Variants in NTSR1 observed in about 807,000 individuals in gnomAD.
The protein encoded by NTSR1 is neurotensin receptor type 1.
A neutral mutation model predicts 31.2 loss-of-function variants in NTSR1; 29 were observed. That is an observed-to-expected ratio of 0.93 (90% CI 0.69 to 1.27). NTSR1 has a LOEUF of 1.27. Among genes scored for constraint, NTSR1 ranks in the 50% most tolerant of loss-of-function variants. NTSR1 has a pLI of 0.00. For synonymous variants in NTSR1, 282 were observed against 269.9 expected, an observed-to-expected ratio of 1.04 and a Z score of -0.44; for missense variants, 697 against 595.4, an observed-to-expected ratio of 1.17 and a Z score of -1.78.
chr20:62,753,993 C>G (rs1323820242), intron 1 of NTSR1, among the ~76,000 whole-genome samples: 3 of 152,222 alleles, frequency 2.0e-5, no homozygotes, highest in Admixed American at 6.5e-5. Flanking sequence ...GCACAGCCCC[C>G]CTTGCGCTGG....
intron 1 of NTSR1, among the ~76,000 whole-genome samples, chr20:62,720,222 C>A (rs565779905): frequency 6.6e-6 from 1 of 152,174 alleles, no homozygotes; most frequent in Non-Finnish European, 1.5e-5. Context: ...ATCGCTTTAA[C>A]TCGGGAGGTG....
In NTSR1 at chr20:62,709,324, G is replaced by A. The variant is rs61730136; in HGVS notation, c.117G>A (p.Ser39=). Residue 39 remains serine (S), a synonymous_variant, in exon 1 of 4, where the codon TCG becomes TCA. Coordinates refer to ENST00000370501, the MANE Select transcript of NTSR1 (RefSeq NM_002531.3). ...TGGCCCCGGGCTTCGGCAACGCTTC[G>A]GGCAACGCGTCGGAGCGCGTCCTGG... ...ALLAPGFGNA[S]GNASERVLAA... is the part of the protein sequence containing the mutation. 2,434 of 1,607,806 alleles carry A rather than the reference G, an allele frequency of 1.5e-3. 36 individuals carry two copies. In the African/African-American group the frequency reaches 0.028, roughly 19 times the overall value.
chr20:62,709,557 T>C lies in NTSR1; in HGVS notation c.350T>C (p.Leu117Pro), dbSNP rs1201720174. The C allele has an allele frequency of 1.2e-6, 2 of 1,612,016 alleles. No homozygotes were observed. The highest frequency in any genetic ancestry group is 1.7e-6 in the Non-Finnish European group (2 of 1,179,860). ...SLALSDLLTL[L>P]LAMPVELYNF... ...GCGCTGTCCGACCTGCTCACCCTGC[T>C]GCTGGCCATGCCCGTGGAGCTGTAC... Residue 117 changes from leucine to proline, a missense_variant, in exon 1 of 4, where the codon CTG (leucine) becomes CCG (proline). By Grantham distance (98) the Leu-to-Pro change is moderately conservative. Transcript: ENST00000370501.
intron 1 of NTSR1, among the ~76,000 whole-genome samples, chr20:62,721,806 C>T (rs138949611): frequency 7.2e-5 from 11 of 152,288 alleles, no homozygotes; most frequent in Middle Eastern, 3.4e-3. Flanking sequence ...CCAGGAAGCC[C>T]GAGTATTCCA....
chr20:62,760,514 G>T lies in NTSR1; in HGVS notation c.*247G>T, dbSNP rs375627840. Reference sequence around the variant, plus strand: ...TCTTTGAAAGCCAGAACAAGAGAGCGCTCCTCTCCCAGATAGGAAAAGGGC... The same window carrying T: ...TCTTTGAAAGCCAGAACAAGAGAGCTCTCCTCTCCCAGATAGGAAAAGGGC... On this transcript the variant is annotated 3_prime_UTR_variant, in exon 4 of 4. Transcript: ENST00000370501. 1 of 465,034 alleles carries T rather than the reference G, an allele frequency of 2.2e-6. No homozygotes were observed. The highest frequency in any genetic ancestry group is 3.2e-5 in the East Asian group (1 of 31,430). The allele number at this position is 465,034 out of a possible 1,614,324, so 28.8% of individuals were successfully genotyped here.
chr20:62,716,644 G>A (rs1988730466), intron 1 of NTSR1, among the ~76,000 whole-genome samples: 1 of 152,242 alleles, frequency 6.6e-6, no homozygotes, highest in South Asian at 2.1e-4. Flanking sequence ...GAGTGACCGA[G>A]CTGCCGTCCG....
At chr20:62,752,334 C>T (rs982246986) in intron 1 of NTSR1, among the ~76,000 whole-genome samples, 37 of 152,202 alleles carry the variant, frequency 2.4e-4, no homozygotes, top group African/African-American at 8.7e-4. Flanking sequence ...GAAAGGACGG[C>T]GCAAGCCAAA....
At chr20:62,716,158 T>C (rs1278213342) in intron 1 of NTSR1, among the ~76,000 whole-genome samples, 2 of 152,082 alleles carry the variant, frequency 1.3e-5, no homozygotes, top group East Asian at 1.9e-4. Context: ...CAGAACCTTC[T>C]CTCTCCCCAG....
At chr20:62,757,832 C>T (rs985711290) in intron 2 of NTSR1, among the ~76,000 whole-genome samples, 5 of 151,614 alleles carry the variant, frequency 3.3e-5, no homozygotes, top group African/African-American at 9.7e-5. Context: ...AGCCTGTGTC[C>T]TGTCTCTGAG....
In NTSR1 at chr20:62,709,279, C is replaced by G. The variant is rs1043351430; in HGVS notation, c.72C>G (p.Ala24=). 4 of 1,577,422 alleles carry G rather than the reference C, an allele frequency of 2.5e-6. No homozygotes were observed. In the East Asian group the frequency reaches 9.4e-5, roughly 37 times the overall value. ...CCGACCCCTTCCAGCGGGCGCAGGC[C>G]GGACTGGAGGAGGCGCTGCTGGCCC... ...PAADPFQRAQ[A]GLEEALLAPG... is the part of the protein sequence containing the mutation. Residue 24 remains alanine (A), a synonymous_variant, in exon 1 of 4, where the codon GCC becomes GCG. Transcript: ENST00000370501.
At chr20:62,721,344 C>G (rs1014478458) in intron 1 of NTSR1, among the ~76,000 whole-genome samples, 1 of 152,176 alleles carries the variant, frequency 6.6e-6, no homozygotes, top group Non-Finnish European at 1.5e-5. Flanking sequence ...TATATTGATT[C>G]TCTTTTCCTT....
chr20:62,759,144 G>A (rs1989565274), intron 3 of NTSR1, among the ~76,000 whole-genome samples: 1 of 152,230 alleles, frequency 6.6e-6, no homozygotes, highest in African/African-American at 2.4e-5. Context: ...GTTCCTTCCA[G>A]TGACAACCAC....
Position 62,760,061 on chromosome 20 carries a change from G to A in NTSR1, c.1051G>A (p.Ala351Thr), listed in dbSNP as rs1239045223. 40 of 1,613,880 alleles carry A rather than the reference G, an allele frequency of 2.5e-5. No homozygotes were observed. Among genetic ancestry groups the A allele is most frequent in the Admixed American group, 6.7e-5 (4 of 59,996 alleles). The part of the protein sequence containing the change: ...FYHYFYMVTN[A>T]LFYVSSTINP... ...CCACTACTTCTACATGGTGACCAAC[G>A]CACTCTTCTACGTCAGCTCCACCAT... The change falls in exon 4 of 4, where the codon GCA (alanine) becomes ACA (threonine). Residue 351 changes from alanine (A) to threonine (T), a missense_variant. Transcript: ENST00000370501.
chr20:62,734,729 T>TAG (rs35163181), intron 1 of NTSR1, among the ~76,000 whole-genome samples: 16,083 of 152,278 alleles, frequency 0.11, 2,064 homozygotes, highest in East Asian at 0.31. Context: ...CACCGGGTTT[T>TAG]AGAGTTAATG....
At position 62,709,201 on chromosome 20, in the gene NTSR1, G is replaced by C; in HGVS notation, c.-7G>C. On this transcript the variant is annotated 5_prime_UTR_variant, in exon 1 of 4. Transcript: ENST00000370501. Reference sequence around the variant, plus strand: ...GCCGGACAGAGCCGCGGACTCCAGCGCCCACCATGCGCCTCAACAGCTCCG... The same window carrying C: ...GCCGGACAGAGCCGCGGACTCCAGCCCCCACCATGCGCCTCAACAGCTCCG... 1.4e-6 allele frequency: 2 copies of C among 1,425,926 alleles called. No individual in the cohort carries two copies. Among genetic ancestry groups the C allele is most frequent in the South Asian group, 3.0e-5 (2 of 66,508 alleles). The allele number at this position is 1,425,926 out of a possible 1,614,324, so 88.3% of individuals were successfully genotyped here.
At position 62,723,218 on chromosome 20, in the gene NTSR1, A is replaced by G. The variant is rs112245400; in HGVS notation, c.714+13297A>G. Reference sequence around the variant, plus strand: ...AAACTCACACTTCCAGGCTCTCAGCATTCAGAGAGTACGGGAGCTGTTTGG... The same window carrying G: ...AAACTCACACTTCCAGGCTCTCAGCGTTCAGAGAGTACGGGAGCTGTTTGG... On this transcript the variant is annotated intron_variant, in intron 1 of 3. Coordinates refer to ENST00000370501, the MANE Select transcript of NTSR1 (RefSeq NM_002531.3). Among the ~76,000 whole-genome samples, 430 of 152,340 alleles carry G rather than the reference A, an allele frequency of 2.8e-3. 5 individuals carry two copies. The highest frequency in any genetic ancestry group is 9.7e-3 in the African/African-American group (404 of 41,576).
At chr20:62,716,777 C>G (rs970574074) in intron 1 of NTSR1, among the ~76,000 whole-genome samples, 1 of 152,214 alleles carries the variant, frequency 6.6e-6, no homozygotes, top group Non-Finnish European at 1.5e-5. Flanking sequence ...GGCAGCCCCT[C>G]GCTCCCTGAC....
Position 62,714,015 on chromosome 20 carries a change from G to A in NTSR1, c.714+4094G>A, listed in dbSNP as rs970063149. ...CTTGGGAGGCTGAGGCAGGAGAATC[G>A]CTTGAGCTTGGGAGGCGGAGGTTGC... On this transcript the variant is annotated intron_variant, in intron 1 of 3. Coordinates refer to ENST00000370501, the MANE Select transcript of NTSR1 (RefSeq NM_002531.3). The surrounding 1 kb of genome is among the most constrained non-coding windows in gnomAD (Gnocchi z 4.1). Among the ~76,000 whole-genome samples, 10 of 152,316 alleles carry A rather than the reference G, an allele frequency of 6.6e-5. No individual in the cohort carries two copies. Among genetic ancestry groups the A allele is most frequent in the Admixed American group, 2.6e-4 (4 of 15,306 alleles).
rs1394546650 is a variant in NTSR1 at position 62,733,173 on chromosome 20, G to A, written c.715-21512G>A. 4 of 151,890 alleles carry A rather than the reference G, an allele frequency of 2.6e-5. No individual in the cohort carries two copies. Among genetic ancestry groups the A allele is most frequent in the Non-Finnish European group, 4.4e-5 (3 of 67,978 alleles). The allele number at this position is 151,890 out of a possible 1,614,324, so 9.4% of individuals were successfully genotyped here. A position where few individuals can be genotyped will look rare whatever the true frequency, so the allele number is the denominator to read the frequency against. Reference sequence around the variant, plus strand: ...ATCGGCAGTGTGTAGACGTTCTTTCGGAAGAAGATCTGTCAGAGAAAATGC... The same window carrying A: ...ATCGGCAGTGTGTAGACGTTCTTTCAGAAGAAGATCTGTCAGAGAAAATGC... On this transcript the variant is annotated intron_variant, in intron 1 of 3. Coordinates refer to ENST00000370501, the MANE Select transcript of NTSR1 (RefSeq NM_002531.3). This position sits in a 1 kb window ranked among gnomAD's most constrained non-coding sequence, Gnocchi z 5.2.
Sources: allele counts gnomAD v4.1 joint callset (sites outside exome capture counted in the v4.1 genomes callset), GRCh38; gene constraint gnomAD v4.1.1; non-coding constraint Gnocchi (gnomAD v3.1); transcripts MANE v1.5; gene names NCBI Gene and HGNC (gene_info 2026-07-23, HGNC 2026-07-21).